The following WDR64 variants were observed in gnomAD, a reference collection of about 807,000 sequenced individuals.
WDR64 encodes the protein WD repeat-containing protein 64.
WDR64 carries 112 observed loss-of-function variants against 139.3 expected under a neutral mutation model. The ratio of observed to expected loss-of-function variants is 0.80; its 90% CI spans 0.69 to 0.94. The LOEUF is 0.94. WDR64 is among the 40% of genes least tolerant of loss of function. WDR64 has a pLI of 0.00. For missense variants in WDR64, 1,206 were observed against 1,293.1 expected (o/e 0.93, Z 1.03); for synonymous variants, 444 against 437.7 (o/e 1.01, Z -0.18).
intron 18 of WDR64, 73 bp from the exon 19 acceptor site, chr1:241,771,588 A>G: frequency 8.7e-7 from 1 of 1,151,744 alleles, no homozygotes; most frequent in Non-Finnish European, 1.2e-6. Context: ...TATCTGGAGA[A>G]TTTAATCACC....
Position 241,790,557 on chromosome 1 carries a change from G to T in WDR64, c.2892-34G>T, listed in dbSNP as rs1268478814. On this transcript the variant is annotated intron_variant, in intron 24 of 27. Coordinates refer to ENST00000437684, the MANE Select transcript of WDR64 (RefSeq NM_001367482.1). ...TTAGTTGGCAGAGAATAAAAGGTAT[G>T]GGTATGTACTTATTCTTGTATCTTT... 5 of 1,503,956 alleles carry T rather than the reference G, an allele frequency of 3.3e-6. No homozygotes were observed. The Admixed American group carries it at 9.9e-5, about 30-fold the overall frequency. 93.2% of individuals were successfully genotyped at this position (1,503,956 alleles called of 1,614,324 possible). A position where few individuals can be genotyped will look rare whatever the true frequency, so the allele number is the denominator to read the frequency against.
chr1:241,660,088 G>A (rs913593481), intron 1 of WDR64, among the ~76,000 whole-genome samples: 1 of 152,106 alleles, frequency 6.6e-6, no homozygotes, highest in African/African-American at 2.4e-5. Flanking sequence ...TTTTGTAAAT[G>A]GTATAAGGAA....
rs1669545282 is a variant in WDR64, at chr1:241,741,613, C to T, written c.1419C>T (p.Tyr473=). 1 of 1,613,270 alleles carries T rather than the reference C, an allele frequency of 6.2e-7. No homozygotes were observed. Among genetic ancestry groups the T allele is most frequent in the Non-Finnish European group, 8.5e-7 (1 of 1,179,840 alleles). Residue 473 remains tyrosine (Y), a synonymous_variant, in exon 12 of 28, where the codon TAC becomes TAT. Coordinates refer to ENST00000437684, the MANE Select transcript of WDR64 (RefSeq NM_001367482.1). ...THEREINVML[Y]NKYFHQVLTI... ...AACGAGAAATCAATGTCATGCTTTA[C>T]AACAAATATTTTCATCAAGTACTCA...
chr1:241,778,861 TC>T (rs1658751659), intron 21 of WDR64, among the ~76,000 whole-genome samples: 1 of 152,158 alleles, frequency 6.6e-6, no homozygotes, highest in Non-Finnish European at 1.5e-5. Context: ...GTTATAATTA[TC>T]AAATACATTG....
chr1:241,797,770 A>C (rs1269641963), intron 27 of WDR64, among the ~76,000 whole-genome samples: 3 of 152,190 alleles, frequency 2.0e-5, no homozygotes, highest in African/African-American at 7.2e-5. Context: ...AAATAATCCA[A>C]AACCTTGTCT....
chr1:241,758,694 C>G (rs552893680), intron 15 of WDR64, among the ~76,000 whole-genome samples: 2 of 152,042 alleles, frequency 1.3e-5, no homozygotes, highest in African/African-American at 2.4e-5. Flanking sequence ...CTGGTTGGAG[C>G]CTCTTCAGGC....
At chr1:241,682,162 G>A (rs934122292) in intron 6 of WDR64, among the ~76,000 whole-genome samples, 2 of 152,020 alleles carry the variant, frequency 1.3e-5, no homozygotes, top group African/African-American at 4.8e-5. Flanking sequence ...TCTTTTTATT[G>A]CATTTGCTCT....
chr1:241,702,275 G>A (rs953293802), intron 8 of WDR64, among the ~76,000 whole-genome samples: 11 of 151,230 alleles, frequency 7.3e-5, no homozygotes, highest in African/African-American at 2.7e-4. Flanking sequence ...AGGTTGCTGT[G>A]GAGACAGAAC....
At chr1:241,687,348 C>A in intron 7 of WDR64, 113 bp from the exon 8 acceptor site, 15 of 1,119,540 alleles carry the variant, frequency 1.3e-5, no homozygotes, top group Admixed American at 2.6e-5. Flanking sequence ...GGGCTGTATT[C>A]TACATTTGGG....
At chr1:241,704,903 C>A (rs1458312329) in intron 8 of WDR64, among the ~76,000 whole-genome samples, 1 of 152,040 alleles carries the variant, frequency 6.6e-6, no homozygotes, top group East Asian at 1.9e-4. Context: ...CCCTTGCCAG[C>A]AAATGTGAAT....
intron 2 of WDR64, among the ~76,000 whole-genome samples, chr1:241,667,934 C>T (rs1239854093): frequency 6.6e-6 from 1 of 152,086 alleles, no homozygotes; most frequent in Non-Finnish European, 1.5e-5. Context: ...TGTCAAAGTT[C>T]AATAAACGTA....
At chr1:241,788,158 C>A in intron 24 of WDR64, 124 bp downstream of exon 24, 2 of 787,296 alleles carry the variant, frequency 2.5e-6, no homozygotes, top group Non-Finnish European at 3.7e-6. Flanking sequence ...ATTTTGTAAT[C>A]CAGTGGAAGG....
rs1377366349 is a variant in WDR64 at position 241,675,075 on chromosome 1, C to T, written c.483+328C>T. On this transcript the variant is annotated intron_variant, in intron 4 of 27. Transcript: ENST00000437684. ...CCTTTTCTCCCTTCCTCCTTCCTGC[C>T]TCCCTCCCTTCATCCTTCCTCCCTC... 4.5e-5 allele frequency among the ~76,000 whole-genome samples: 4 copies of T among 89,112 alleles called. 1 individual carries two copies. Among genetic ancestry groups the T allele is most frequent in the Admixed American group, 1.2e-4 (1 of 8,352 alleles). The allele number at this position is 89,112 out of a possible 152,430, so 58.5% of individuals were successfully genotyped here. A position where few individuals can be genotyped will look rare whatever the true frequency, so the allele number is the denominator to read the frequency against.
intron 8 of WDR64, among the ~76,000 whole-genome samples, chr1:241,705,683 G>C (rs1434394382): frequency 6.6e-6 from 1 of 152,024 alleles, no homozygotes; most frequent in Non-Finnish European, 1.5e-5. Context: ...GAGTTCCTGG[G>C]ATCAAGCAAT....
chr1:241,723,678 A>T (rs955845309), intron 10 of WDR64, among the ~76,000 whole-genome samples: 1 of 152,174 alleles, frequency 6.6e-6, no homozygotes, highest in Non-Finnish European at 1.5e-5. Flanking sequence ...AAGATGGCAA[A>T]TTTTACCCTC....
At chr1:241,789,113 A>G (rs1231847387) in intron 24 of WDR64, among the ~76,000 whole-genome samples, 1 of 152,126 alleles carries the variant, frequency 6.6e-6, no homozygotes, top group Non-Finnish European at 1.5e-5. Context: ...TGGAACTAAT[A>G]AAGAATGACT....
chr1:241,772,870 C>T lies in WDR64; in HGVS notation c.2369C>T (p.Ala790Val), dbSNP rs1461983221. The change falls in exon 20 of 28, where the codon GCC (alanine) becomes GTC (valine). Residue 790 changes from alanine to valine, a missense_variant. Coordinates refer to ENST00000437684, the MANE Select transcript of WDR64 (RefSeq NM_001367482.1). ...CCTGGAATTGCCAATTTACCAGAAG[C>T]CCAGCCACCTATCCTTGTCACTGCT... ...KHPGIANLPE[A>V]QPPILVTAHE... The T allele has an allele frequency of 5.8e-6, 9 of 1,552,056 alleles. No homozygotes were observed. Among genetic ancestry groups the T allele is most frequent in the East Asian group, 2.4e-5 (1 of 40,916 alleles).
chr1:241,760,715 A>AAT (rs981217730), intron 15 of WDR64, among the ~76,000 whole-genome samples: 1 of 148,730 alleles, frequency 6.7e-6, no homozygotes, highest in South Asian at 2.1e-4. Flanking sequence ...TACTTTACAA[A>AAT]ATATATATAT....
At chr1:241,781,938 C>A (rs553690570) in intron 22 of WDR64, among the ~76,000 whole-genome samples, 1 of 152,154 alleles carries the variant, frequency 6.6e-6, no homozygotes, top group African/African-American at 2.4e-5. Flanking sequence ...AGAATGCCAT[C>A]CTAAGGCAGA....
Sources: gnomAD v4.1 joint callset for allele counts (sites outside exome capture counted in the v4.1 genomes callset) on GRCh38, gnomAD v4.1.1 for gene constraint, MANE v1.5 for transcripts, NCBI Gene and HGNC (gene_info 2026-07-23, HGNC 2026-07-21) for gene names.